GABRG3: variants seen among roughly 807,000 people sequenced by gnomAD.
The protein encoded by GABRG3 is gamma-aminobutyric acid receptor subunit gamma-3.
In GABRG3, 25 loss-of-function variants were observed where a neutral mutation model predicts 48.8. That is an observed-to-expected ratio of 0.51 (90% CI 0.37 to 0.72). GABRG3 has a LOEUF of 0.72. GABRG3 is among the 30% of genes least tolerant of loss of function. The pLI, the probability that GABRG3 is intolerant of heterozygous loss-of-function variation, is 0.00. For missense variants in GABRG3, 394 were observed against 577.9 expected (o/e 0.68, Z 3.26); for synonymous variants, 227 against 217.6 (o/e 1.04, Z -0.38).
intron 3 of GABRG3, among the ~76,000 whole-genome samples, chr15:27,117,036 G>A (rs1485368613): frequency 6.6e-6 from 1 of 152,132 alleles, no homozygotes; most frequent in Admixed American, 6.5e-5. Flanking sequence ...CCTCACAACA[G>A]CCATCTGAGG....
At chr15:27,410,724 T>C (rs1887768854) in intron 5 of GABRG3, among the ~76,000 whole-genome samples, 2 of 152,154 alleles carry the variant, frequency 1.3e-5, no homozygotes, top group African/African-American at 4.8e-5. Context: ...TCTTAATTTC[T>C]CCTTCATTTT....
At chr15:27,527,657 G>T (rs543791419) in intron 8 of GABRG3, 28 bp downstream of exon 8, 2 of 1,570,288 alleles carry the variant, frequency 1.3e-6, no homozygotes, top group Non-Finnish European at 1.7e-6. Flanking sequence ...AGGTTCTCCG[G>T]GAGGTAATGG....
At chr15:27,252,537 C>T (rs966912191) in intron 3 of GABRG3, among the ~76,000 whole-genome samples, 5 of 152,210 alleles carry the variant, frequency 3.3e-5, no homozygotes, top group Non-Finnish European at 7.3e-5. Context: ...GGGATACTAG[C>T]GCCGTCTGTT....
intron 5 of GABRG3, among the ~76,000 whole-genome samples, chr15:27,334,565 T>C (rs1186991384): frequency 1.3e-5 from 2 of 152,172 alleles, no homozygotes; most frequent in Non-Finnish European, 2.9e-5. Context: ...GTCACACTAA[T>C]GCATGGCACT....
At chr15:27,004,048 C>T (rs1288743128) in intron 2 of GABRG3, among the ~76,000 whole-genome samples, 2 of 148,508 alleles carry the variant, frequency 1.3e-5, no homozygotes, top group Non-Finnish European at 3.0e-5. Context: ...CAACTCCCTC[C>T]CGGACGGGGC....
At chr15:27,277,563 T>C (rs1245965994) in intron 3 of GABRG3, among the ~76,000 whole-genome samples, 1 of 152,172 alleles carries the variant, frequency 6.6e-6, no homozygotes, top group Non-Finnish European at 1.5e-5. Flanking sequence ...CAGACGTTCA[T>C]TGTTCCAGGA....
Position 27,520,391 on chromosome 15 carries a change from A to G in GABRG3, c.865+267A>G, listed in dbSNP as rs1166324148. On this transcript the variant is annotated intron_variant, in intron 7 of 9. Transcript: ENST00000615808. Reference sequence around the variant, plus strand: ...GTATCCTGTATCACAGGCTGATATGATCACAAAAACACAGGCACATCCCAG... The same window carrying G: ...GTATCCTGTATCACAGGCTGATATGGTCACAAAAACACAGGCACATCCCAG... Among the ~76,000 whole-genome samples the G allele has an allele frequency of 2.0e-5, 3 of 152,062 alleles. No homozygotes were observed. The East Asian group carries it at 5.9e-4, about 30-fold the overall frequency.
chr15:27,434,272 G>A (rs1200191326), intron 5 of GABRG3, among the ~76,000 whole-genome samples: 1 of 151,962 alleles, frequency 6.6e-6, no homozygotes, highest in African/African-American at 2.4e-5. Context: ...GAAAATGGTG[G>A]GACAATGAAC....
At chr15:27,484,199 G>A (rs957182449) in intron 6 of GABRG3, among the ~76,000 whole-genome samples, 1 of 152,212 alleles carries the variant, frequency 6.6e-6, no homozygotes, top group Non-Finnish European at 1.5e-5. Context: ...GCCTCCCAAA[G>A]TGCTGGGATT....
intron 5 of GABRG3, among the ~76,000 whole-genome samples, chr15:27,459,041 T>A (rs1450489997): frequency 6.6e-6 from 1 of 152,164 alleles, no homozygotes; most frequent in Non-Finnish European, 1.5e-5. Flanking sequence ...CCAACACCCA[T>A]AAGTCTTCTC....
rs889663757 is a variant in GABRG3, at chr15:27,457,725, C to T, written c.575-22925C>T. ...TACTCTGACCTGATGGTTGCAGTCG[C>T]CGTGTTTTCTGGCCAGTGGTATAAC... is the stretch of plus-strand genomic sequence containing the variant. On this transcript the variant is annotated intron_variant, in intron 5 of 9. Coordinates refer to ENST00000615808, the MANE Select transcript of GABRG3 (RefSeq NM_033223.5). This position sits in a 1 kb window ranked among gnomAD's most constrained non-coding sequence, Gnocchi z 4.4. Among the ~76,000 whole-genome samples, 1 of 152,104 alleles carries T rather than the reference C, an allele frequency of 6.6e-6. No homozygotes were observed. Among genetic ancestry groups the T allele is most frequent in the Non-Finnish European group, 1.5e-5 (1 of 68,026 alleles).
rs1448919187 is a variant in GABRG3 at position 26,975,651 on chromosome 15, A to G, written c.54-1351A>G. Among the ~76,000 whole-genome samples, 1 of 152,182 alleles carries G rather than the reference A, an allele frequency of 6.6e-6. No individual in the cohort carries two copies. The highest frequency in any genetic ancestry group is 1.5e-5 in the Non-Finnish European group (1 of 68,044). On this transcript the variant is annotated intron_variant, in intron 1 of 9. Transcript: ENST00000615808. The surrounding 1 kb of genome is among the most constrained non-coding windows in gnomAD (Gnocchi z 4.6). ...AATTAAGTGGAAAAAATGAATATGA[A>G]ATTTTATTTTTTAAATTAACATCTT...
chr15:27,145,614 T>TATCTATCTATCTATCTATCTATCTATC (rs1555406007), intron 3 of GABRG3, among the ~76,000 whole-genome samples: 33 of 143,600 alleles, frequency 2.3e-4, no homozygotes, highest in Non-Finnish European at 3.9e-4. Flanking sequence ...TCTATCTATC[T>TATCTATCTATCTATCTATCTATCTATC]ATCTATCTAT....
At chr15:27,040,521 G>A (rs1432689746) in intron 3 of GABRG3, among the ~76,000 whole-genome samples, 1 of 152,136 alleles carries the variant, frequency 6.6e-6, no homozygotes, top group Non-Finnish European at 1.5e-5. Context: ...AGGAAAATTT[G>A]ATTTTATAAT....
chr15:27,239,246 G>C (rs1212219044), intron 3 of GABRG3, among the ~76,000 whole-genome samples: 1 of 152,194 alleles, frequency 6.6e-6, no homozygotes, highest in Non-Finnish European at 1.5e-5. Context: ...TTTGTCTAAA[G>C]CTGCAATGGC....
intron 3 of GABRG3, among the ~76,000 whole-genome samples, chr15:27,232,193 G>T (rs1889820651): frequency 6.6e-6 from 1 of 152,140 alleles, no homozygotes; most frequent in African/African-American, 2.4e-5. Flanking sequence ...CAATTTTATT[G>T]TAGGAAATTG....
intron 3 of GABRG3, among the ~76,000 whole-genome samples, chr15:27,296,488 T>C (rs915369827): frequency 6.6e-6 from 1 of 152,140 alleles, no homozygotes; most frequent in African/African-American, 2.4e-5. Flanking sequence ...AGCAAGATGG[T>C]TAATATAATA....
chr15:27,454,188 A>C (rs1046672790), intron 5 of GABRG3, among the ~76,000 whole-genome samples: 2 of 152,194 alleles, frequency 1.3e-5, no homozygotes, highest in Non-Finnish European at 2.9e-5. Context: ...GCCTTTTGGT[A>C]TGCCTTTAAT....
intron 5 of GABRG3, among the ~76,000 whole-genome samples, chr15:27,478,048 C>CAAAA (rs71132811): frequency 1.1e-5 from 1 of 91,938 alleles, no homozygotes. Flanking sequence ...CTCCATGTCA[C>CAAAA]AAAAAAAAAA....
Sources: allele counts gnomAD v4.1 joint callset (sites outside exome capture counted in the v4.1 genomes callset), GRCh38; gene constraint gnomAD v4.1.1; non-coding constraint Gnocchi (gnomAD v3.1); transcripts MANE v1.5; gene names NCBI Gene and HGNC (gene_info 2026-07-23, HGNC 2026-07-21).